The following SNX24 variants were observed in gnomAD, a reference collection of about 807,000 sequenced individuals.
SNX24 encodes sorting nexin 24.
Under a neutral mutation model 28.7 loss-of-function variants are expected in SNX24, and 22 were observed. That is an observed-to-expected ratio of 0.77 (90% CI 0.55 to 1.10). SNX24 has a LOEUF of 1.10. SNX24 is among the 50% of genes least tolerant of loss of function. The probability of loss-of-function intolerance (pLI) is 0.00; values close to 1 mark genes in which losing one functional copy is unlikely to be tolerated. For synonymous variants in SNX24, 69 were observed against 71.5 expected, an observed-to-expected ratio of 0.96 and a Z score of 0.18; for missense variants, 221 against 201.1, an observed-to-expected ratio of 1.10 and a Z score of -0.60.
At chr5:122,899,599 G>C (rs1757342648) in intron 1 of SNX24, among the ~76,000 whole-genome samples, 1 of 152,016 alleles carries the variant, frequency 6.6e-6, no homozygotes, top group African/African-American at 2.4e-5. Context: ...TGTAGAGATG[G>C]GGTTTTGCCA....
rs886577897 is a variant in SNX24 at position 122,934,697 on chromosome 5, C to T, written c.61-2037C>T. 5.3e-5 allele frequency among the ~76,000 whole-genome samples: 8 copies of T among 152,148 alleles called. No homozygotes were observed. The South Asian group carries it at 1.0e-3, about 20-fold the overall frequency. On this transcript the variant is annotated intron_variant, in intron 1 of 6. Transcript: ENST00000261369. Reference sequence around the variant, plus strand: ...GACTCCATTTCTTTCTTCACTTTGTCATGAAAATCCTGATGAACAACTTCC... The same window carrying T: ...GACTCCATTTCTTTCTTCACTTTGTTATGAAAATCCTGATGAACAACTTCC...
rs894359738 is a variant in SNX24 at position 122,979,919 on chromosome 5, C to G, written c.250-19993C>G. Reference sequence around the variant, plus strand: ...CACATTTGTTTTTAAAATGACTTTCCTTAATAGGTAGTTGCAGATGTTGAA... The same window carrying G: ...CACATTTGTTTTTAAAATGACTTTCGTTAATAGGTAGTTGCAGATGTTGAA... On this transcript the variant is annotated intron_variant, in intron 3 of 6. Coordinates refer to ENST00000261369, the MANE Select transcript of SNX24 (RefSeq NM_014035.4). 5.9e-5 allele frequency among the ~76,000 whole-genome samples: 9 copies of G among 152,170 alleles called. 1 individual carries two copies. The highest frequency in any genetic ancestry group is 5.9e-5 in the Non-Finnish European group (4 of 68,032).
chr5:122,952,321 TA>T (rs1261531800), intron 3 of SNX24, among the ~76,000 whole-genome samples: 1 of 152,102 alleles, frequency 6.6e-6, no homozygotes, highest in African/African-American at 2.4e-5. Flanking sequence ...ATGAATTTTT[TA>T]AAAAAAGAAT....
intron 5 of SNX24, among the ~76,000 whole-genome samples, chr5:123,026,512 C>T (rs1762856857): frequency 1.3e-5 from 2 of 152,316 alleles, no homozygotes; most frequent in South Asian, 4.1e-4. Flanking sequence ...CAATGGGAAA[C>T]AGAGGTTACA....
At chr5:122,862,910 GATATAC>G (rs1755540360) in intron 1 of SNX24, among the ~76,000 whole-genome samples, 1 of 151,936 alleles carries the variant, frequency 6.6e-6, no homozygotes, top group Non-Finnish European at 1.5e-5. Flanking sequence ...AATTCATAAA[GATATAC>G]ATATAAAGTT....
At chr5:122,969,034 G>C (rs2150145442) in intron 3 of SNX24, among the ~76,000 whole-genome samples, 1 of 152,016 alleles carries the variant, frequency 6.6e-6, no homozygotes, top group East Asian at 1.9e-4. Context: ...GGAAAATACT[G>C]GTCTAACACT....
At chr5:122,904,728 C>T (rs1757578213) in intron 1 of SNX24, among the ~76,000 whole-genome samples, 1 of 152,114 alleles carries the variant, frequency 6.6e-6, no homozygotes, top group East Asian at 1.9e-4. Flanking sequence ...TTAAAGTTAA[C>T]TGTGACCGAA....
intron 1 of SNX24, among the ~76,000 whole-genome samples, chr5:122,868,436 G>C (rs146119669): frequency 1.0e-3 from 153 of 152,236 alleles, no homozygotes; most frequent in African/African-American, 3.4e-3. Flanking sequence ...CTCAAAAGTA[G>C]AGTGGTTATT....
At chr5:122,913,436 G>A (rs929698583) in intron 1 of SNX24, among the ~76,000 whole-genome samples, 17 of 148,826 alleles carry the variant, frequency 1.1e-4, no homozygotes, top group Admixed American at 2.7e-4. Context: ...CTGGCCGGGC[G>A]GGGGGCTGAC....
intron 3 of SNX24, among the ~76,000 whole-genome samples, chr5:122,969,452 A>AG (rs1488840173): frequency 6.6e-6 from 1 of 152,148 alleles, no homozygotes; most frequent in Non-Finnish European, 1.5e-5. Context: ...CAAAAAAAAA[A>AG]CTTTACTTTT....
chr5:122,936,424 T>C (rs765018415), intron 1 of SNX24, among the ~76,000 whole-genome samples: 2 of 152,212 alleles, frequency 1.3e-5, no homozygotes, highest in Non-Finnish European at 2.9e-5. Flanking sequence ...TGCTATCATA[T>C]TCACTTGGTG....
intron 3 of SNX24, among the ~76,000 whole-genome samples, chr5:122,955,179 T>G (rs1235215390): frequency 6.6e-6 from 1 of 152,130 alleles, no homozygotes; most frequent in Non-Finnish European, 1.5e-5. Context: ...CTTAAGGTTT[T>G]TGTATCAGTT....
chr5:123,026,019 C>A (rs1762848132), intron 5 of SNX24: 1 of 1,490,454 alleles, frequency 6.7e-7, no homozygotes, highest in Non-Finnish European at 9.0e-7. Flanking sequence ...AAAGTCAGCT[C>A]TTCAAAGGGA....
chr5:122,995,047 T>A (rs1762003645), intron 3 of SNX24, among the ~76,000 whole-genome samples: 1 of 152,176 alleles, frequency 6.6e-6, no homozygotes, highest in Non-Finnish European at 1.5e-5. Flanking sequence ...AAATGACAGA[T>A]TGGATGGAAA....
chr5:122,939,290 G>T (rs1243973485), intron 2 of SNX24, among the ~76,000 whole-genome samples: 1 of 152,146 alleles, frequency 6.6e-6, no homozygotes, highest in Non-Finnish European at 1.5e-5. Context: ...CCAAAAATTA[G>T]ATTTGTTTAT....
intron 1 of SNX24, among the ~76,000 whole-genome samples, chr5:122,852,985 TGAAGGAGGCCA>T (rs1754990570): frequency 2.0e-5 from 3 of 152,048 alleles, no homozygotes; most frequent in East Asian, 3.9e-4. Context: ...GCATGTACAA[TGAAGGAGGCCA>T]TTGTGTAACA....
intron 3 of SNX24, among the ~76,000 whole-genome samples, chr5:122,963,005 G>A (rs1760550425): frequency 6.6e-6 from 1 of 152,128 alleles, no homozygotes. Flanking sequence ...AGGCCAAGGT[G>A]GGCGGATCAC....
chr5:122,849,149 G>A (rs1402490020), intron 1 of SNX24, among the ~76,000 whole-genome samples: 1 of 152,138 alleles, frequency 6.6e-6, no homozygotes, highest in Non-Finnish European at 1.5e-5. Flanking sequence ...GCCCTTTACA[G>A]TTTTTACAGA....
At chr5:122,923,736 A>T (rs1758549102) in intron 1 of SNX24, among the ~76,000 whole-genome samples, 1 of 152,176 alleles carries the variant, frequency 6.6e-6, no homozygotes, top group African/African-American at 2.4e-5. Flanking sequence ...TTGAAAGAAC[A>T]CAGGTGAATC....
Sources: allele counts gnomAD v4.1 joint callset (sites outside exome capture counted in the v4.1 genomes callset), GRCh38; gene constraint gnomAD v4.1.1; transcripts MANE v1.5; gene names NCBI Gene and HGNC (gene_info 2026-07-23, HGNC 2026-07-21).